FAM193A: variants seen among roughly 807,000 people sequenced by gnomAD.
FAM193A encodes the protein family with sequence similarity 193 member A.
In FAM193A, 22 loss-of-function variants were observed where a neutral mutation model predicts 126.5. The observed-to-expected ratio is 0.17, with a 90% CI of 0.12 to 0.25. FAM193A has a LOEUF of 0.25. Among genes scored for constraint, FAM193A ranks in the 10% least tolerant of loss-of-function variants. The probability of loss-of-function intolerance (pLI) is 1.00; values close to 1 mark genes in which losing one functional copy is unlikely to be tolerated. For synonymous variants in FAM193A, 761 were observed against 646.8 expected, an observed-to-expected ratio of 1.18 and a Z score of -2.68; for missense variants, 1,675 against 1,672.8, an observed-to-expected ratio of 1.00 and a Z score of -0.02.
In FAM193A at chr4:2,665,753, C is replaced by T. The variant is rs550158834; in HGVS notation, c.2079+2465C>T. ...TGTTGCCCAGGCTGGTCTTGAACTTCTGGCCTCAAGCCATCCTCCCATTTC... is the reference window on the plus strand; with the variant it reads ...TGTTGCCCAGGCTGGTCTTGAACTTTTGGCCTCAAGCCATCCTCCCATTTC... On this transcript the variant is annotated intron_variant, in intron 12 of 20. Transcript: ENST00000637812. 1.1e-3 allele frequency among the ~76,000 whole-genome samples: 162 copies of T among 152,308 alleles called. 1 individual carries two copies. The highest frequency in any genetic ancestry group is 6.8e-3 in the Middle Eastern group (2 of 294).
At chr4:2,578,085 T>G (rs990989519) in intron 1 of FAM193A, among the ~76,000 whole-genome samples, 1 of 152,132 alleles carries the variant, frequency 6.6e-6, no homozygotes, top group Non-Finnish European at 1.5e-5. Flanking sequence ...CTTCTGTTTT[T>G]TGTTTGCTTT....
At chr4:2,566,103 A>C (rs1014529622) in intron 1 of FAM193A, among the ~76,000 whole-genome samples, 2 of 150,272 alleles carry the variant, frequency 1.3e-5, no homozygotes, top group East Asian at 3.9e-4. Flanking sequence ...ACTGGAGTGC[A>C]GTGGCACAAT....
chr4:2,672,979 G>A (rs934116936), intron 13 of FAM193A, among the ~76,000 whole-genome samples: 3 of 152,194 alleles, frequency 2.0e-5, no homozygotes, highest in East Asian at 3.8e-4. Flanking sequence ...GAGTGAGGAT[G>A]TAGAAATAAG....
At chr4:2,633,845 A>T (rs185974342) in intron 5 of FAM193A, among the ~76,000 whole-genome samples, 2 of 152,168 alleles carry the variant, frequency 1.3e-5, no homozygotes, top group African/African-American at 2.4e-5. Context: ...GTGAGCCGAG[A>T]TGGGGCCGCT....
chr4:2,536,451 C>T (rs1348451847), upstream of FAM193A, among the ~76,000 whole-genome samples: 9 of 151,888 alleles, frequency 5.9e-5, no homozygotes, highest in Non-Finnish European at 8.8e-5. Flanking sequence ...GTACCCCCAG[C>T]TGCTGCACGG....
intron 20 of FAM193A, among the ~76,000 whole-genome samples, chr4:2,723,597 A>G (rs899166277): frequency 6.6e-6 from 1 of 152,224 alleles, no homozygotes; most frequent in Non-Finnish European, 1.5e-5. Flanking sequence ...GTTTGAAGTA[A>G]AAAAGACTAA....
intron 19 of FAM193A, among the ~76,000 whole-genome samples, chr4:2,702,191 A>G (rs1388661927): frequency 1.3e-5 from 2 of 152,192 alleles, no homozygotes; most frequent in Non-Finnish European, 2.9e-5. Context: ...GGATAGATCC[A>G]CGAAGTTTTA....
At chr4:2,681,581 T>C (rs1301943140) in intron 13 of FAM193A, among the ~76,000 whole-genome samples, 4 of 152,012 alleles carry the variant, frequency 2.6e-5, no homozygotes, top group Admixed American at 2.0e-4. Flanking sequence ...GTCTCGTAGC[T>C]TGGACTACAG....
intron 12 of FAM193A, among the ~76,000 whole-genome samples, chr4:2,668,522 C>G (rs1237458409): frequency 6.6e-6 from 1 of 152,040 alleles, no homozygotes; most frequent in Non-Finnish European, 1.5e-5. Context: ...CAATATGCAT[C>G]TTAATTTATC....
intron 19 of FAM193A, among the ~76,000 whole-genome samples, chr4:2,704,242 A>G (rs999519267): frequency 1.4e-5 from 2 of 146,378 alleles, no homozygotes; most frequent in Non-Finnish European, 3.0e-5. Flanking sequence ...CAGCCTGGCA[A>G]CAGAGTGAGA....
At chr4:2,618,508 A>G (rs568233038) in intron 2 of FAM193A, among the ~76,000 whole-genome samples, 1 of 148,210 alleles carries the variant, frequency 6.7e-6, no homozygotes, top group Non-Finnish European at 1.5e-5. Flanking sequence ...GCTCACTACA[A>G]CCTCTGCCTC....
intron 2 of FAM193A, among the ~76,000 whole-genome samples, chr4:2,624,978 C>T (rs1742810256): frequency 6.6e-6 from 1 of 152,204 alleles, no homozygotes; most frequent in South Asian, 2.1e-4. Context: ...TCACCTCAGC[C>T]TCCTGGGTAG....
At chr4:2,687,586 G>A (rs114171601) in intron 13 of FAM193A, among the ~76,000 whole-genome samples, 73 of 152,266 alleles carry the variant, frequency 4.8e-4, no homozygotes, top group African/African-American at 1.6e-3. Flanking sequence ...GTAGCTCCTG[G>A]ACTAGATGTG....
At chr4:2,587,155 A>G (rs1489927607) in intron 1 of FAM193A, among the ~76,000 whole-genome samples, 1 of 152,204 alleles carries the variant, frequency 6.6e-6, no homozygotes, top group African/African-American at 2.4e-5. Context: ...AGCATGGTGC[A>G]CAGCATTTGC....
chr4:2,648,794 G>C (rs757436052), intron 7 of FAM193A, among the ~76,000 whole-genome samples: 1 of 152,230 alleles, frequency 6.6e-6, no homozygotes, highest in Non-Finnish European at 1.5e-5. Flanking sequence ...GGGAAGCTAG[G>C]ACAGTGGGCA....
chr4:2,563,539 A>C (rs563850027), intron 1 of FAM193A, among the ~76,000 whole-genome samples: 1 of 152,066 alleles, frequency 6.6e-6, no homozygotes, highest in Non-Finnish European at 1.5e-5. Flanking sequence ...AAAAAACAAA[A>C]AAAAAAACCT....
chr4:2,566,280 C>G (rs1314756190), intron 1 of FAM193A, among the ~76,000 whole-genome samples: 2 of 152,152 alleles, frequency 1.3e-5, no homozygotes, highest in Non-Finnish European at 2.9e-5. Flanking sequence ...ATCTTCTGAC[C>G]TCGTGATCTG....
chr4:2,601,781 G>A (rs1741213499), intron 2 of FAM193A, among the ~76,000 whole-genome samples: 1 of 151,668 alleles, frequency 6.6e-6, no homozygotes, highest in Non-Finnish European at 1.5e-5. Context: ...TCTTTCCAAA[G>A]AAGCAGCTTT....
intron 1 of FAM193A, among the ~76,000 whole-genome samples, chr4:2,574,095 G>T (rs1739446334): frequency 6.6e-6 from 1 of 152,088 alleles, no homozygotes; most frequent in African/African-American, 2.4e-5. Context: ...GTGGTATTGT[G>T]TCAGTTCTGA....
Sources: gnomAD v4.1 joint callset for allele counts (sites outside exome capture counted in the v4.1 genomes callset) on GRCh38, gnomAD v4.1.1 for gene constraint, MANE v1.5 for transcripts, NCBI Gene and HGNC (gene_info 2026-07-23, HGNC 2026-07-21) for gene names.